The following DNAH7 variants were observed in gnomAD, a reference collection of about 807,000 sequenced individuals.
The protein encoded by DNAH7 is axonemal beta dynein heavy chain 7.
Under a neutral mutation model 444.6 loss-of-function variants are expected in DNAH7, and 397 were observed. The observed-to-expected ratio is 0.89, with a 90% CI of 0.82 to 0.97. The LOEUF is 0.97. Among genes scored for constraint, DNAH7 ranks in the 50% least tolerant of loss-of-function variants. The probability of loss-of-function intolerance (pLI) is 0.00; values close to 1 mark genes in which losing one functional copy is unlikely to be tolerated. For missense variants in DNAH7, 4,902 were observed against 4,800.8 expected (o/e 1.02, Z -0.62); for synonymous variants, 1,636 against 1,624.4 (o/e 1.01, Z -0.17).
intron 49 of DNAH7, among the ~76,000 whole-genome samples, chr2:195,823,863 T>C (rs1444925352): frequency 6.6e-6 from 1 of 152,178 alleles, no homozygotes; most frequent in Non-Finnish European, 1.5e-5. Flanking sequence ...AGTAATTACA[T>C]AAAATCAGAC....
intron 33 of DNAH7, among the ~76,000 whole-genome samples, chr2:195,887,731 C>A (rs1274464919): frequency 1.3e-5 from 2 of 152,130 alleles, no homozygotes; most frequent in African/African-American, 4.8e-5. Flanking sequence ...TAATTTCCAG[C>A]TAGAGAGAGT....
At position 195,873,654 on chromosome 2, in the gene DNAH7, A is replaced by G; in HGVS notation, c.6327T>C (p.His2109=). Residue 2109 remains histidine, a synonymous_variant, in exon 39 of 65, where the codon CAT becomes CAC. Transcript: ENST00000312428. ...ACTCATTGATTGTTATAATATTGAA[A>G]TGTCGCATGTATCGAGGAGTTACTG... ...RNPVTPRYMR[H]FNIITINEFS... is the part of the protein sequence containing the mutation. The G allele has an allele frequency of 6.5e-7, 1 of 1,535,296 alleles. No homozygotes were observed.
chr2:195,762,773 T>C (rs1260773930), intron 61 of DNAH7, among the ~76,000 whole-genome samples: 1 of 152,054 alleles, frequency 6.6e-6, no homozygotes, highest in Non-Finnish European at 1.5e-5. Context: ...CCAATAAAAA[T>C]AGTAGCTGGA....
intron 63 of DNAH7, among the ~76,000 whole-genome samples, chr2:195,743,754 C>A (rs1693196236): frequency 6.6e-6 from 1 of 151,948 alleles, no homozygotes; most frequent in Non-Finnish European, 1.5e-5. Flanking sequence ...GCTAGGATGA[C>A]AAAAAGGCTA....
chr2:195,814,155 C>A lies in DNAH7; in HGVS notation c.9761+2473G>T, dbSNP rs976480627. Among the ~76,000 whole-genome samples, 11 of 152,288 alleles carry A rather than the reference C, an allele frequency of 7.2e-5. No homozygotes were observed. The South Asian group carries it at 8.3e-4, about 11-fold the overall frequency. ...TGCTCACTTATGAGAATTCACTGGG[C>A]AAATACTTCTGATTTCTGCACGTTT... On this transcript the variant is annotated intron_variant, in intron 51 of 64. Coordinates refer to ENST00000312428, the MANE Select transcript of DNAH7 (RefSeq NM_018897.3).
At chr2:195,766,776 G>A (rs1425458488) in intron 61 of DNAH7, among the ~76,000 whole-genome samples, 1 of 152,114 alleles carries the variant, frequency 6.6e-6, no homozygotes, top group Admixed American at 6.5e-5. Context: ...TTGTATGCCT[G>A]TATGAGAATA....
At chr2:195,918,667 T>C (rs1196225563) in intron 24 of DNAH7, among the ~76,000 whole-genome samples, 1 of 152,188 alleles carries the variant, frequency 6.6e-6, no homozygotes, top group Non-Finnish European at 1.5e-5. Flanking sequence ...ACAGTATGTA[T>C]AATTCTAGAT....
At chr2:195,884,933 T>C in intron 34 of DNAH7, 124 bp from the exon 35 acceptor site, 1 of 704,432 alleles carries the variant, frequency 1.4e-6, no homozygotes, top group East Asian at 2.8e-5. Context: ...TCAAATATAT[T>C]AGTAGGTCAT....
chr2:195,810,151 A>G (rs892250075), intron 51 of DNAH7, among the ~76,000 whole-genome samples: 1 of 152,134 alleles, frequency 6.6e-6, no homozygotes, highest in Non-Finnish European at 1.5e-5. Flanking sequence ...GTTAGATTAA[A>G]AAGTTTACAG....
At chr2:196,049,871 T>TA (rs1399537407) in intron 3 of DNAH7, among the ~76,000 whole-genome samples, 1 of 152,194 alleles carries the variant, frequency 6.6e-6, no homozygotes, top group Non-Finnish European at 1.5e-5. Context: ...TGCAACAAAC[T>TA]AAAAAATGTC....
chr2:195,947,530 G>A (rs969471145), intron 19 of DNAH7, among the ~76,000 whole-genome samples: 1 of 152,062 alleles, frequency 6.6e-6, no homozygotes, highest in African/African-American at 2.4e-5. Context: ...ATTTATGAGT[G>A]AGAACATGTA....
chr2:195,855,176 C>T (rs1699619506), intron 45 of DNAH7, among the ~76,000 whole-genome samples: 1 of 152,200 alleles, frequency 6.6e-6, no homozygotes, highest in Non-Finnish European at 1.5e-5. Flanking sequence ...GTTCTTAGAA[C>T]AACCGGCCTT....
intron 23 of DNAH7, among the ~76,000 whole-genome samples, chr2:195,923,175 C>T (rs968553112): frequency 5.9e-5 from 9 of 152,020 alleles, no homozygotes; most frequent in Non-Finnish European, 1.2e-4. Flanking sequence ...TGAGAGGAAA[C>T]TTTAATGACT....
At chr2:195,951,692 G>C (rs1559263917) in intron 19 of DNAH7, among the ~76,000 whole-genome samples, 1 of 151,912 alleles carries the variant, frequency 6.6e-6, no homozygotes, top group Non-Finnish European at 1.5e-5. Context: ...ATTATGTAAT[G>C]GCCTTGTCTC....
chr2:195,996,268 A>G (rs1227667337), intron 12 of DNAH7, among the ~76,000 whole-genome samples: 3 of 152,214 alleles, frequency 2.0e-5, no homozygotes, highest in African/African-American at 7.2e-5. Context: ...TAGCTGCAAA[A>G]TTTGCATTCT....
intron 48 of DNAH7, among the ~76,000 whole-genome samples, chr2:195,826,722 A>G (rs1697771629): frequency 6.6e-6 from 1 of 152,202 alleles, no homozygotes; most frequent in African/African-American, 2.4e-5. Flanking sequence ...GTTCAGTGAC[A>G]ACCGTCAGAA....
intron 37 of DNAH7, 93 bp from the exon 38 acceptor site, chr2:195,875,936 C>A: frequency 1.2e-5 from 14 of 1,205,396 alleles, no homozygotes; most frequent in Non-Finnish European, 1.6e-5. Context: ...ACTTAGCTAT[C>A]TATTTGCAGA....
At chr2:195,886,919 A>G (rs1434717333) in intron 33 of DNAH7, among the ~76,000 whole-genome samples, 1 of 152,182 alleles carries the variant, frequency 6.6e-6, no homozygotes. Context: ...AGTAAAAATT[A>G]ACTCTCTGAG....
chr2:195,910,350 T>A (rs1488308911), intron 24 of DNAH7, among the ~76,000 whole-genome samples, 155 bp from the exon 25 acceptor site: 1 of 152,216 alleles, frequency 6.6e-6, no homozygotes, highest in Non-Finnish European at 1.5e-5. Context: ...TCTCTGATAG[T>A]TCATTACTTT....
Sources: gnomAD v4.1 joint callset for allele counts (sites outside exome capture counted in the v4.1 genomes callset) on GRCh38, gnomAD v4.1.1 for gene constraint, MANE v1.5 for transcripts, NCBI Gene and HGNC (gene_info 2026-07-23, HGNC 2026-07-21) for gene names.